MSI1: variants seen among roughly 807,000 people sequenced by gnomAD.
The protein encoded by MSI1 is RNA-binding protein Musashi homolog 1.
MSI1 carries 15 observed loss-of-function variants against 54.4 expected under a neutral mutation model. The ratio of observed to expected loss-of-function variants is 0.28; its 90% CI spans 0.18 to 0.42. The LOEUF (loss-of-function observed/expected upper bound fraction) is 0.42, where lower values mean the gene tolerates loss of function less well. Ranked by LOEUF, MSI1 falls within the 20% of genes least tolerant of loss-of-function variation. MSI1 has a pLI of 1.00. For missense variants in MSI1, 304 were observed against 506.0 expected, an observed-to-expected ratio of 0.60 and a Z score of 3.83; for synonymous variants, 200 against 196.5, an observed-to-expected ratio of 1.02 and a Z score of -0.15.
intron 14 of MSI1, among the ~76,000 whole-genome samples, chr12:120,343,400 T>C (rs1300966784): frequency 6.6e-6 from 1 of 152,106 alleles, no homozygotes; most frequent in Non-Finnish European, 1.5e-5. Flanking sequence ...ATTTTTGTTG[T>C]TGTAGCAGAG....
chr12:120,368,698 G>C lies in MSI1; in HGVS notation c.100+135C>G, dbSNP rs1246722960. 3.8e-6 allele frequency: 3 copies of C among 789,896 alleles called. No homozygotes were observed. The highest frequency in any genetic ancestry group is 5.0e-6 in the Non-Finnish European group (3 of 597,942). The allele number at this position is 789,896 out of a possible 1,614,324, so 48.9% of individuals were successfully genotyped here. A position where few individuals can be genotyped will look rare whatever the true frequency, so the allele number is the denominator to read the frequency against. ...ATCGCCCTGCGCTCTCGGGGTCTCCGGGCGGGGCGCGAAAGAGGGCGCGAG... is the reference window on the plus strand; with the variant it reads ...ATCGCCCTGCGCTCTCGGGGTCTCCCGGCGGGGCGCGAAAGAGGGCGCGAG... On this transcript the variant is annotated intron_variant, in intron 2 of 14. Transcript: ENST00000257552. The surrounding 1 kb of genome is among the most constrained non-coding windows in gnomAD (Gnocchi z 6.6).
At chr12:120,349,604 T>C (rs1445164988) in intron 11 of MSI1, among the ~76,000 whole-genome samples, 1 of 152,228 alleles carries the variant, frequency 6.6e-6, no homozygotes, top group African/African-American at 2.4e-5. Flanking sequence ...CTTGTCTGTG[T>C]CACTCACTGT....
At chr12:120,357,927 G>A (rs1201709016) in intron 7 of MSI1, 29 bp from the exon 8 acceptor site, 2 of 1,607,602 alleles carry the variant, frequency 1.2e-6, no homozygotes, top group East Asian at 2.2e-5. Flanking sequence ...ATAAAGGCAA[G>A]GTCAGAACCA....
At chr12:120,359,129 C>T (rs1875413557) in intron 6 of MSI1, 76 bp from the exon 7 acceptor site, 2 of 1,520,660 alleles carry the variant, frequency 1.3e-6, no homozygotes, top group African/African-American at 1.4e-5. Context: ...GGGGCTCTGG[C>T]AACCCACTGC....
intron 6 of MSI1, 75 bp downstream of exon 6, chr12:120,362,968 G>T (rs1875768067): frequency 8.0e-7 from 1 of 1,256,588 alleles, no homozygotes; most frequent in Non-Finnish European, 1.2e-6. Context: ...TGACCTGGCT[G>T]GATTCGGCTT....
rs766708221 is a variant in MSI1, at chr12:120,353,309, G to A, written c.723C>T (p.Tyr241=). The A allele has an allele frequency of 2.5e-6, 4 of 1,613,948 alleles. No homozygotes were observed. Among genetic ancestry groups the A allele is most frequent in the Non-Finnish European group, 3.4e-6 (4 of 1,179,988 alleles). Residue 241 remains tyrosine, a synonymous_variant, in exon 10 of 15, where the codon TAC becomes TAT. Transcript: ENST00000257552. ...CTGAGCAGGACTTACCGGGGAACTG[G>A]TAGGTGTAGCCAGGGGCGAGGCCTG... ...SYTGLAPGYT[Y]QFPEFRVERT...
Position 120,343,086 on chromosome 12 carries a change from G to A in MSI1, c.*41C>T, listed in dbSNP as rs1873827652. 6.6e-6 allele frequency: 1 copy of A among 152,366 alleles called. No homozygotes were observed. The highest frequency in any genetic ancestry group is 1.9e-4 in the East Asian group (1 of 5,202). The allele number at this position is 152,366 out of a possible 1,614,324, so 9.4% of individuals were successfully genotyped here. A position where few individuals can be genotyped will look rare whatever the true frequency, so the allele number is the denominator to read the frequency against. On this transcript the variant is annotated 3_prime_UTR_variant, in exon 15 of 15. Transcript: ENST00000257552. ...CTCGCTGGCTCACTCGTGGTCCTCAGTCAGCTGCAGGCTGGGGCGCTGGGA... is the reference window on the plus strand; with the variant it reads ...CTCGCTGGCTCACTCGTGGTCCTCAATCAGCTGCAGGCTGGGGCGCTGGGA...
chr12:120,345,717 G>A, intron 13 of MSI1, 85 bp from the exon 14 acceptor site: 1 of 1,538,302 alleles, frequency 6.5e-7, no homozygotes, highest in Non-Finnish European at 9.0e-7. Flanking sequence ...GACATCTGAA[G>A]TGAGGCGCTG....
In MSI1 at chr12:120,357,854, C is replaced by T; in HGVS notation, c.496G>A (p.Val166Met). Residue 166 changes from valine to methionine, a missense_variant, in exon 8 of 15, where the codon GTG becomes ATG. By Grantham distance (21) the Val-to-Met change is conservative. Transcript: ENST00000257552. ...TFESEDIVEK[V>M]CEIHFHEINN... ...ATTTCATGAAAATGAATTTCACACA[C>T]TTTCTCCACGATGTCCTCACTCTCA... 6.2e-7 allele frequency: 1 copy of T among 1,614,210 alleles called. No homozygotes were observed. The highest frequency in any genetic ancestry group is 8.5e-7 in the Non-Finnish European group (1 of 1,180,038).
intron 11 of MSI1, 64 bp from the exon 12 acceptor site, chr12:120,347,578 C>T (rs1380547144): frequency 6.3e-7 from 1 of 1,599,950 alleles, no homozygotes; most frequent in African/African-American, 1.3e-5. Flanking sequence ...GAAGGAGGCC[C>T]CTACCTTTTA....
chr12:120,358,913 G>A (rs910381949), intron 7 of MSI1, 92 bp downstream of exon 7: 2 of 1,397,292 alleles, frequency 1.4e-6, no homozygotes, highest in Non-Finnish European at 2.0e-6. Flanking sequence ...GGGATAGGAT[G>A]TCAGAAGGCG....
At chr12:120,347,654 A>C in intron 11 of MSI1, 140 bp from the exon 12 acceptor site, 1 of 983,470 alleles carries the variant, frequency 1.0e-6, no homozygotes, top group Non-Finnish European at 1.5e-6. Flanking sequence ...CAAGGCAGAA[A>C]AGGCTACCTT....
intron 11 of MSI1, among the ~76,000 whole-genome samples, chr12:120,350,408 A>G (rs900130056): frequency 6.6e-6 from 1 of 152,102 alleles, no homozygotes; most frequent in African/African-American, 2.4e-5. Context: ...CCCTCTTTTC[A>G]GGGAAGAGCC....
At position 120,368,568 on chromosome 12, in the gene MSI1, A is replaced by T. The variant is rs1330554573; in HGVS notation, c.100+265T>A. Among the ~76,000 whole-genome samples the T allele has an allele frequency of 6.6e-6, 1 of 151,858 alleles. No individual in the cohort carries two copies. Among genetic ancestry groups the T allele is most frequent in the Non-Finnish European group, 1.5e-5 (1 of 67,932 alleles). ...AAGTTTGAGCCGCAGGTGCGAGCGGAGTTGGCGCTGCCGCCGGCGGGTCCC... is the reference window on the plus strand; with the variant it reads ...AAGTTTGAGCCGCAGGTGCGAGCGGTGTTGGCGCTGCCGCCGGCGGGTCCC... On this transcript the variant is annotated intron_variant, in intron 2 of 14. Coordinates refer to ENST00000257552, the MANE Select transcript of MSI1 (RefSeq NM_002442.4). The surrounding 1 kb of genome is among the most constrained non-coding windows in gnomAD (Gnocchi z 6.6).
At chr12:120,352,522 A>G (rs556426816) in intron 10 of MSI1, among the ~76,000 whole-genome samples, 1 of 151,934 alleles carries the variant, frequency 6.6e-6, no homozygotes, top group South Asian at 2.1e-4. Context: ...CTCTGAGCCT[A>G]TGTCCTCATC....
intron 4 of MSI1, among the ~76,000 whole-genome samples, chr12:120,367,173 C>T (rs994374152): frequency 6.6e-6 from 1 of 151,940 alleles, no homozygotes; most frequent in South Asian, 2.1e-4. Flanking sequence ...AGGGACTGAC[C>T]CAAGCAGAGA....
At chr12:120,362,985 G>T in intron 6 of MSI1, 58 bp downstream of exon 6, 1 of 1,410,802 alleles carries the variant, frequency 7.1e-7, no homozygotes, top group Non-Finnish European at 1.0e-6. Context: ...GCTTGCTAGT[G>T]CCCCATTCTA....
At chr12:120,359,114 G>A (rs1875411857) in intron 6 of MSI1, 61 bp from the exon 7 acceptor site, 1 of 1,545,314 alleles carries the variant, frequency 6.5e-7, no homozygotes. Context: ...TACCACCAAG[G>A]AACAGGGGCT....
At chr12:120,345,663 C>T (rs1321329498) in intron 13 of MSI1, 31 bp from the exon 14 acceptor site, 2 of 1,613,194 alleles carry the variant, frequency 1.2e-6, no homozygotes, top group South Asian at 1.1e-5. Context: ...CTCCTAGATT[C>T]CTGGGAAATA....
Sources: allele counts gnomAD v4.1 joint callset (sites outside exome capture counted in the v4.1 genomes callset), GRCh38; gene constraint gnomAD v4.1.1; non-coding constraint Gnocchi (gnomAD v3.1); transcripts MANE v1.5; gene names NCBI Gene and HGNC (gene_info 2026-07-23, HGNC 2026-07-21).